CSMD1: variants seen among roughly 807,000 people sequenced by gnomAD.
The protein encoded by CSMD1 is CUB and Sushi multiple domains 1.
CSMD1 carries 213 observed loss-of-function variants against 417.5 expected under a neutral mutation model. The ratio of observed to expected loss-of-function variants is 0.51; its 90% CI spans 0.46 to 0.57. The LOEUF is 0.57. Ranked by LOEUF, CSMD1 falls within the 20% of genes least tolerant of loss-of-function variation. CSMD1 has a pLI of 0.00. For synonymous variants in CSMD1, 2,862 were observed against 1,736.8 expected, an observed-to-expected ratio of 1.65 and a Z score of -16.11; for missense variants, 6,923 against 4,529.7, an observed-to-expected ratio of 1.53 and a Z score of -15.17.
chr8:3,863,111 G>A (rs1804831366), intron 5 of CSMD1, among the ~76,000 whole-genome samples: 1 of 152,070 alleles, frequency 6.6e-6, no homozygotes, highest in East Asian at 1.9e-4. Flanking sequence ...TTTTAAAGGT[G>A]CGAAGGTCGG....
intron 1 of CSMD1, among the ~76,000 whole-genome samples, chr8:4,901,580 T>C (rs1804873436): frequency 6.6e-6 from 1 of 151,990 alleles, no homozygotes; most frequent in South Asian, 2.1e-4. Flanking sequence ...CAGATGTTTC[T>C]TTACGTTTCC....
At chr8:3,888,023 A>G (rs1475266693) in intron 5 of CSMD1, among the ~76,000 whole-genome samples, 1 of 152,204 alleles carries the variant, frequency 6.6e-6, no homozygotes. Flanking sequence ...TCTGGCAGAG[A>G]AATTAATTAA....
Position 3,989,863 on chromosome 8 carries a change from G to C in CSMD1, c.818+8040C>G, listed in dbSNP as rs1197912413. Among the ~76,000 whole-genome samples, 3 of 152,138 alleles carry C rather than the reference G, an allele frequency of 2.0e-5. No homozygotes were observed. The East Asian group carries it at 5.8e-4, about 29-fold the overall frequency. ...ACATTTTTTGGAGGAGTATAGGATT[G>C]CACAAAATTACCTTATTCTCCTAAC... On this transcript the variant is annotated intron_variant, in intron 5 of 69. Transcript: ENST00000635120.
At chr8:3,505,850 T>A (rs1796801326) in intron 10 of CSMD1, among the ~76,000 whole-genome samples, 1 of 152,132 alleles carries the variant, frequency 6.6e-6, no homozygotes, top group Non-Finnish European at 1.5e-5. Context: ...ATCACCAACT[T>A]GGCTGAAAGG....
intron 2 of CSMD1, among the ~76,000 whole-genome samples, chr8:4,540,718 C>T (rs1452772887): frequency 6.6e-6 from 1 of 152,088 alleles, no homozygotes; most frequent in African/African-American, 2.4e-5. Context: ...GGATGCTTAC[C>T]AAGTGTCTAA....
chr8:2,996,307 A>G (rs1806891176), intron 54 of CSMD1, among the ~76,000 whole-genome samples: 1 of 152,250 alleles, frequency 6.6e-6, no homozygotes, highest in South Asian at 2.1e-4. Context: ...TAATGTTAAC[A>G]TATTTGAGCT....
chr8:4,551,753 T>C (rs1331720275), intron 2 of CSMD1, among the ~76,000 whole-genome samples: 6 of 152,074 alleles, frequency 3.9e-5, no homozygotes, highest in South Asian at 2.1e-4. Context: ...GGTACAATCA[T>C]AGCTCACTGC....
intron 3 of CSMD1, among the ~76,000 whole-genome samples, chr8:4,232,236 G>C (rs530206011): frequency 3.3e-5 from 5 of 152,188 alleles, no homozygotes; most frequent in African/African-American, 9.6e-5. Flanking sequence ...CGCTCTGTCA[G>C]TCACCAGGCT....
chr8:3,408,054 G>A lies in CSMD1; in HGVS notation c.1916C>T (p.Ala639Val), dbSNP rs183309351. The change falls in exon 14 of 70, where the codon GCG (alanine) becomes GTG (valine). Residue 639 changes from alanine to valine, a missense_variant. Physicochemically the swap from Ala to Val is moderately conservative, Grantham distance 64. Coordinates refer to ENST00000635120, the MANE Select transcript of CSMD1 (RefSeq NM_033225.6). Reference sequence around the variant, plus strand: ...GTCAGAAATGCCATCATCCTTGACCGCGAGAAAGTCAAACTGAGGCTCAAC... The same window carrying A: ...GTCAGAAATGCCATCATCCTTGACCACGAGAAAGTCAAACTGAGGCTCAAC... ...FDVEPQFDFL[A>V]VKDDGISDIT... 3.2e-5 allele frequency: 52 copies of A among 1,613,814 alleles called. No individual in the cohort carries two copies. The East Asian group carries it at 5.1e-4, about 16-fold the overall frequency.
At chr8:3,622,105 G>T (rs566079867) in intron 7 of CSMD1, among the ~76,000 whole-genome samples, 1 of 151,840 alleles carries the variant, frequency 6.6e-6, no homozygotes, top group East Asian at 1.9e-4. Flanking sequence ...TATGTGCTGG[G>T]GTACAGTTCT....
chr8:3,864,820 T>C (rs1585109646), intron 5 of CSMD1, among the ~76,000 whole-genome samples: 3 of 152,194 alleles, frequency 2.0e-5, no homozygotes, highest in Non-Finnish European at 2.9e-5. Context: ...CTATTTGTTA[T>C]ACAGAAACAT....
chr8:3,555,108 C>G (rs1229984529), intron 10 of CSMD1, among the ~76,000 whole-genome samples: 2 of 152,090 alleles, frequency 1.3e-5, no homozygotes, highest in African/African-American at 2.4e-5. Context: ...CCGTGACAGG[C>G]AAACCCTGGC....
At chr8:4,268,699 T>C (rs1804378683) in intron 3 of CSMD1, among the ~76,000 whole-genome samples, 1 of 151,786 alleles carries the variant, frequency 6.6e-6, no homozygotes, top group Non-Finnish European at 1.5e-5. Context: ...TGTATCTCAA[T>C]TTTTTTTGAA....
chr8:4,117,348 C>T (rs1245994768), intron 3 of CSMD1, among the ~76,000 whole-genome samples: 2 of 152,028 alleles, frequency 1.3e-5, no homozygotes, highest in South Asian at 2.1e-4. Context: ...ACACTGTCAT[C>T]GCCTCATGCT....
chr8:4,774,566 C>G (rs1266443639), intron 1 of CSMD1, among the ~76,000 whole-genome samples: 2 of 152,088 alleles, frequency 1.3e-5, no homozygotes, highest in Admixed American at 1.3e-4. Flanking sequence ...TCTGATAATA[C>G]AGAATTAATA....
intron 10 of CSMD1, among the ~76,000 whole-genome samples, chr8:3,505,116 A>G (rs1796769398): frequency 6.6e-6 from 1 of 152,190 alleles, no homozygotes; most frequent in African/African-American, 2.4e-5. Flanking sequence ...CAAGCATCAC[A>G]GGCAGATTTC....
At chr8:4,604,687 C>T (rs1800775596) in intron 2 of CSMD1, among the ~76,000 whole-genome samples, 1 of 152,102 alleles carries the variant, frequency 6.6e-6, no homozygotes, top group South Asian at 2.1e-4. Context: ...CAAACTATGT[C>T]TCCTACTTGG....
intron 5 of CSMD1, among the ~76,000 whole-genome samples, chr8:3,856,320 G>C (rs1335530174): frequency 1.3e-5 from 2 of 152,042 alleles, no homozygotes; most frequent in Non-Finnish European, 2.9e-5. Flanking sequence ...AGTTTCTTGA[G>C]GCTGCCCCAG....
chr8:3,821,579 C>G (rs983370061), intron 5 of CSMD1, among the ~76,000 whole-genome samples: 1 of 152,076 alleles, frequency 6.6e-6, no homozygotes, highest in Non-Finnish European at 1.5e-5. Context: ...GTCAAGAGTA[C>G]GAGACCAGCC....
Sources: allele counts gnomAD v4.1 joint callset (sites outside exome capture counted in the v4.1 genomes callset), GRCh38; gene constraint gnomAD v4.1.1; transcripts MANE v1.5; gene names NCBI Gene and HGNC (gene_info 2026-07-23, HGNC 2026-07-21).